The following ITCH variants were observed in gnomAD, a reference collection of about 807,000 sequenced individuals.
ITCH encodes the protein E3 ubiquitin-protein ligase Itchy homolog.
ITCH carries 28 observed loss-of-function variants against 126.8 expected under a neutral mutation model. That is an observed-to-expected ratio of 0.22 (90% CI 0.16 to 0.30). ITCH has a LOEUF of 0.30. Ranked by LOEUF, ITCH falls within the 10% of genes least tolerant of loss-of-function variation. ITCH has a pLI of 1.00. For missense variants in ITCH, 631 were observed against 1,032.4 expected, an observed-to-expected ratio of 0.61 and a Z score of 5.33; for synonymous variants, 342 against 340.0, an observed-to-expected ratio of 1.01 and a Z score of -0.06.
chr20:34,412,208 T>A (rs1979136448), intron 4 of ITCH, among the ~76,000 whole-genome samples: 1 of 152,238 alleles, frequency 6.6e-6, no homozygotes, highest in Non-Finnish European at 1.5e-5. Context: ...AAGTTACTCT[T>A]CTGTACTACT....
chr20:34,371,826 G>A (rs572191505), intron 2 of ITCH, among the ~76,000 whole-genome samples: 1 of 152,208 alleles, frequency 6.6e-6, no homozygotes, highest in East Asian at 1.9e-4. Flanking sequence ...TAAATTCTGT[G>A]ATCTTGGGCA....
At chr20:34,502,816 C>T (rs1395694290) in intron 23 of ITCH, among the ~76,000 whole-genome samples, 2 of 152,094 alleles carry the variant, frequency 1.3e-5, no homozygotes, top group Non-Finnish European at 2.9e-5. Context: ...GCCAGGAGTT[C>T]AAGACCAGCC....
chr20:34,498,676 T>C (rs904197409), intron 23 of ITCH, among the ~76,000 whole-genome samples: 1 of 152,200 alleles, frequency 6.6e-6, no homozygotes, highest in Non-Finnish European at 1.5e-5. Flanking sequence ...CTTTGGATCT[T>C]TTTAATGTGT....
intron 2 of ITCH, among the ~76,000 whole-genome samples, chr20:34,377,628 C>G (rs2037897290): frequency 6.6e-6 from 1 of 151,872 alleles, no homozygotes; most frequent in African/African-American, 2.4e-5. Context: ...CTTTGAGAGT[C>G]CAAGGTGGGC....
chr20:34,399,249 G>A (rs374666315), intron 3 of ITCH, among the ~76,000 whole-genome samples: 7 of 152,022 alleles, frequency 4.6e-5, no homozygotes, highest in South Asian at 2.1e-4. Context: ...AAAATTAGCC[G>A]GGCATGGTGG....
At chr20:34,476,395 T>C in intron 16 of ITCH, 1 of 1,257,872 alleles carries the variant, frequency 7.9e-7, no homozygotes, top group Non-Finnish European at 1.0e-6. Flanking sequence ...GGACCCGGCG[T>C]GGTGCAGCCA....
intron 2 of ITCH, among the ~76,000 whole-genome samples, chr20:34,390,665 G>A (rs972128470): frequency 1.3e-5 from 2 of 151,946 alleles, no homozygotes; most frequent in Non-Finnish European, 2.9e-5. Flanking sequence ...GGCCAGGCTG[G>A]TCTCGAACTC....
At chr20:34,394,290 CTGAA>C (rs1257811560) in intron 3 of ITCH, among the ~76,000 whole-genome samples, 3 of 149,330 alleles carry the variant, frequency 2.0e-5, no homozygotes, top group African/African-American at 4.9e-5. Flanking sequence ...TTAATATTTG[CTGAA>C]TGAATGAATG....
rs150303396 is a variant in ITCH at position 34,383,291 on chromosome 20, A to G, written c.-21-10500A>G. Among the ~76,000 whole-genome samples the G allele has an allele frequency of 4.0e-3, 597 of 148,838 alleles. 4 individuals carry two copies. The highest frequency in any genetic ancestry group is 0.029 in the South Asian group (135 of 4,678). On this transcript the variant is annotated intron_variant, in intron 2 of 24. Transcript: ENST00000374864. ...ACTCCTGGTCTCAAGCGACCCTCCTACCTTGACCTCCCAAGGTATTGGGGG... is the reference window on the plus strand; with the variant it reads ...ACTCCTGGTCTCAAGCGACCCTCCTGCCTTGACCTCCCAAGGTATTGGGGG...
At position 34,494,779 on chromosome 20, in the gene ITCH, G is replaced by A. The variant is rs1282794341; in HGVS notation, c.2416+2182G>A. ...TTTGAGACAAGCCTGGGCAATATAG[G>A]GAAACCCTGTCTCTACAGAAAATTT... On this transcript the variant is annotated intron_variant, in intron 23 of 24. Coordinates refer to ENST00000374864, the MANE Select transcript of ITCH (RefSeq NM_031483.7). 2.0e-5 allele frequency among the ~76,000 whole-genome samples: 3 copies of A among 150,094 alleles called. No homozygotes were observed. The East Asian group carries it at 6.0e-4, about 30-fold the overall frequency.
chr20:34,480,852 T>G (rs1988685051), intron 19 of ITCH, 120 bp downstream of exon 19: 13 of 998,832 alleles, frequency 1.3e-5, no homozygotes, highest in Non-Finnish European at 1.9e-5. Context: ...GATCTATATA[T>G]CAAACCTGTC....
intron 6 of ITCH, among the ~76,000 whole-genome samples, chr20:34,418,399 A>G (rs566340222): frequency 2.4e-4 from 37 of 152,278 alleles, no homozygotes; most frequent in African/African-American, 7.9e-4. Context: ...TTCTTATTCT[A>G]TGCATTCCAT....
chr20:34,402,455 A>G, intron 3 of ITCH: 1 of 769,494 alleles, frequency 1.3e-6, no homozygotes, highest in South Asian at 1.3e-5. Flanking sequence ...AAATGGAGAG[A>G]TGGAGAGACC....
chr20:34,382,304 C>T (rs2038093923), intron 2 of ITCH, among the ~76,000 whole-genome samples: 1 of 152,116 alleles, frequency 6.6e-6, no homozygotes, highest in Non-Finnish European at 1.5e-5. Context: ...ATCTGAATAA[C>T]AATGCTTTTT....
intron 2 of ITCH, among the ~76,000 whole-genome samples, chr20:34,378,381 G>A (rs1217133732): frequency 2.0e-5 from 3 of 149,938 alleles, no homozygotes; most frequent in African/African-American, 7.4e-5. Flanking sequence ...GGCTGAGGCT[G>A]GAGAATTCCT....
chr20:34,374,156 A>G (rs531994055), intron 2 of ITCH, among the ~76,000 whole-genome samples: 21 of 152,248 alleles, frequency 1.4e-4, no homozygotes, highest in African/African-American at 3.9e-4. Flanking sequence ...AACCATCTGC[A>G]TTTAGGTGAA....
intron 2 of ITCH, among the ~76,000 whole-genome samples, chr20:34,385,231 T>TG (rs2146039192): frequency 6.8e-6 from 1 of 146,822 alleles, no homozygotes; most frequent in African/African-American, 2.5e-5. Context: ...GGTTTTTTTT[T>TG]TTTTTTTTTT....
chr20:34,443,764 C>T (rs1056670210), intron 10 of ITCH, among the ~76,000 whole-genome samples: 1 of 152,006 alleles, frequency 6.6e-6, no homozygotes, highest in Non-Finnish European at 1.5e-5. Flanking sequence ...GTAGGATGGG[C>T]GCTTGAGGCC....
chr20:34,417,328 C>G (rs1015409741), intron 6 of ITCH: 2 of 369,016 alleles, frequency 5.4e-6, no homozygotes, highest in Non-Finnish European at 1.0e-5. Flanking sequence ...AACTCCCGAC[C>G]TCAGGTGATC....
Sources: allele counts gnomAD v4.1 joint callset (sites outside exome capture counted in the v4.1 genomes callset), GRCh38; gene constraint gnomAD v4.1.1; transcripts MANE v1.5; gene names NCBI Gene and HGNC (gene_info 2026-07-23, HGNC 2026-07-21).